Variants in ABCB1 observed in about 807,000 individuals in gnomAD.
ABCB1 encodes ATP binding cassette subfamily B member 1, also known as ATP-dependent translocase ABCB1.
In ABCB1, 69 loss-of-function variants were observed where a neutral mutation model predicts 142.0. The ratio of observed to expected loss-of-function variants is 0.49; its 90% CI spans 0.40 to 0.59. The LOEUF (loss-of-function observed/expected upper bound fraction) is 0.59, where lower values mean the gene tolerates loss of function less well. ABCB1 is among the 20% of genes least tolerant of loss of function. ABCB1 has a pLI of 0.00. For synonymous variants in ABCB1, 532 were observed against 539.2 expected (o/e 0.99, Z 0.18); for missense variants, 1,326 against 1,554.7 (o/e 0.85, Z 2.47).
chr7:87,554,034 T>C (rs185598146), intron 8 of ABCB1, 102 bp from the exon 9 acceptor site: 51 of 1,100,400 alleles, frequency 4.6e-5, no homozygotes, highest in Admixed American at 3.2e-4. Flanking sequence ...TCCTGTGATA[T>C]ACATGCATTT....
chr7:87,692,071 A>G (rs1828064691), intron 1 of ABCB1, among the ~76,000 whole-genome samples: 1 of 152,204 alleles, frequency 6.6e-6, no homozygotes, highest in South Asian at 2.1e-4. Flanking sequence ...TGAAAAATTT[A>G]AGAAAATTTT....
At chr7:87,617,642 G>C (rs1172182638) in intron 1 of ABCB1, among the ~76,000 whole-genome samples, 1 of 152,180 alleles carries the variant, frequency 6.6e-6, no homozygotes, top group Non-Finnish European at 1.5e-5. Context: ...TAAGTCTTTA[G>C]GGAAGCTAAA....
At chr7:87,704,798 C>T (rs1829442483) in intron 1 of ABCB1, among the ~76,000 whole-genome samples, 1 of 152,214 alleles carries the variant, frequency 6.6e-6, no homozygotes, top group Non-Finnish European at 1.5e-5. Context: ...GATTACCTCT[C>T]TTTATTCATT....
chr7:87,535,498 T>C (rs1388696766), intron 20 of ABCB1, among the ~76,000 whole-genome samples: 1 of 149,106 alleles, frequency 6.7e-6, no homozygotes, highest in Non-Finnish European at 1.5e-5. Context: ...AATTACATTC[T>C]ATACAACTTG....
chr7:87,618,595 G>T (rs1183324627), intron 1 of ABCB1, among the ~76,000 whole-genome samples: 4 of 152,154 alleles, frequency 2.6e-5, no homozygotes, highest in Non-Finnish European at 4.4e-5. Context: ...TTTCACCACT[G>T]TGGTTCACAG....
At chr7:87,703,911 TTGG>T (rs1829338379) in intron 1 of ABCB1, among the ~76,000 whole-genome samples, 1 of 90,140 alleles carries the variant, frequency 1.1e-5, no homozygotes, top group Non-Finnish European at 2.2e-5. Context: ...TTTTTTTTTT[TTGG>T]TTTTTTTTTT....
chr7:87,599,340 C>T (rs1160643530), intron 2 of ABCB1, among the ~76,000 whole-genome samples: 1 of 152,086 alleles, frequency 6.6e-6, no homozygotes, highest in African/African-American at 2.4e-5. Flanking sequence ...ATATTATATA[C>T]AGATATTTAT....
At chr7:87,633,114 T>C (rs1281706643) in intron 1 of ABCB1, among the ~76,000 whole-genome samples, 1 of 152,226 alleles carries the variant, frequency 6.6e-6, no homozygotes, top group African/African-American at 2.4e-5. Context: ...ACCTCAGTTT[T>C]TCCATTATAG....
chr7:87,534,255 G>A (rs984719742), intron 20 of ABCB1, among the ~76,000 whole-genome samples: 3 of 152,126 alleles, frequency 2.0e-5, no homozygotes, highest in Admixed American at 6.5e-5. Context: ...AATGTGATGC[G>A]GGATATTTGT....
At chr7:87,532,433 A>T (rs2117133008) in intron 20 of ABCB1, among the ~76,000 whole-genome samples, 1 of 152,306 alleles carries the variant, frequency 6.6e-6, no homozygotes, top group African/African-American at 2.4e-5. Context: ...TGTGGTAAAG[A>T]AGCCAGCCAA....
intron 1 of ABCB1, among the ~76,000 whole-genome samples, chr7:87,682,506 G>A (rs913826005): frequency 2.0e-5 from 3 of 152,188 alleles, no homozygotes; most frequent in African/African-American, 7.2e-5. Context: ...CTGGGCTACA[G>A]ATTGGATGTT....
At chr7:87,687,522 A>T (rs944305903) in intron 1 of ABCB1, among the ~76,000 whole-genome samples, 1 of 152,100 alleles carries the variant, frequency 6.6e-6, no homozygotes, top group Non-Finnish European at 1.5e-5. Flanking sequence ...CTTCACCTCC[A>T]CTAAAACGTA....
chr7:87,520,889 G>C lies in ABCB1; in HGVS notation c.2686-13C>G. 3 of 1,602,984 alleles carry C rather than the reference G, an allele frequency of 1.9e-6. No individual in the cohort carries two copies. Among genetic ancestry groups the C allele is most frequent in the Non-Finnish European group, 2.6e-6 (3 of 1,170,098 alleles). ...CTTCAGTAGCGATCTGTAACAGACA[G>C]CACCGATCACCAAGAGGCACAAGAG... On this transcript the variant is annotated splice_polypyrimidine_tract_variant and intron_variant, in intron 21 of 27. Transcript: ENST00000622132.
intron 20 of ABCB1, among the ~76,000 whole-genome samples, chr7:87,535,552 A>C (rs1284164679): frequency 6.6e-6 from 1 of 152,170 alleles, no homozygotes; most frequent in Non-Finnish European, 1.5e-5. Flanking sequence ...TAGGCAAAGA[A>C]GTTTGTATTA....
intron 25 of ABCB1, among the ~76,000 whole-genome samples, chr7:87,512,163 T>C (rs1815040384): frequency 6.6e-6 from 1 of 150,884 alleles, no homozygotes; most frequent in Non-Finnish European, 1.5e-5. Flanking sequence ...TATCCACCTT[T>C]GTATCTAATT....
At chr7:87,543,288 T>G (rs1816623285) in intron 17 of ABCB1, among the ~76,000 whole-genome samples, 1 of 152,088 alleles carries the variant, frequency 6.6e-6, no homozygotes, top group South Asian at 2.1e-4. Context: ...TGAGCGAGAC[T>G]CAAAAAATAA....
intron 1 of ABCB1, among the ~76,000 whole-genome samples, chr7:87,618,287 A>G (rs534768765): frequency 9.9e-5 from 15 of 152,254 alleles, no homozygotes; most frequent in Admixed American, 2.6e-4. Flanking sequence ...TCCCATCTAA[A>G]TCTTAAGCTC....
intron 1 of ABCB1, chr7:87,629,099 T>C: frequency 1.5e-6 from 1 of 666,366 alleles, no homozygotes. Context: ...CGCAGCTCCT[T>C]GGACAGGGGC....
At chr7:87,612,890 T>G (rs571631011) in intron 1 of ABCB1, among the ~76,000 whole-genome samples, 1 of 152,318 alleles carries the variant, frequency 6.6e-6, no homozygotes, top group African/African-American at 2.4e-5. Flanking sequence ...TTCTAATCTG[T>G]GAGCATGGGA....
Sources: allele counts gnomAD v4.1 joint callset (sites outside exome capture counted in the v4.1 genomes callset), GRCh38; gene constraint gnomAD v4.1.1; transcripts MANE v1.5; gene names NCBI Gene and HGNC (gene_info 2026-07-23, HGNC 2026-07-21).